ARHGAP6: variants seen among roughly 807,000 people sequenced by gnomAD.
The protein encoded by ARHGAP6 is rho GTPase-activating protein 6.
In ARHGAP6, 16 loss-of-function variants were observed where a neutral mutation model predicts 55.7. The ratio of observed to expected loss-of-function variants is 0.29; its 90% CI spans 0.19 to 0.44. The LOEUF is 0.44. ARHGAP6 is among the 20% of genes least tolerant of loss of function. The pLI, the probability that ARHGAP6 is intolerant of heterozygous loss-of-function variation, is 1.00. For missense variants in ARHGAP6, 698 were observed against 808.9 expected, an observed-to-expected ratio of 0.86 and a Z score of 1.66; for synonymous variants, 382 against 360.9, an observed-to-expected ratio of 1.06 and a Z score of -0.66.
At chrX:11,473,288 G>A (rs779860664) in intron 1 of ARHGAP6, among the ~76,000 whole-genome samples, 26 of 111,388 alleles carry the variant, frequency 2.3e-4, no homozygotes, top group African/African-American at 8.5e-4. Flanking sequence ...ACCCCAAAAG[G>A]GATATTTAAA....
chrX:11,599,824 T>G (rs1481421462), intron 1 of ARHGAP6, among the ~76,000 whole-genome samples: 5 of 112,150 alleles, frequency 4.5e-5, no homozygotes, highest in African/African-American at 1.6e-4. Context: ...GATATGATCA[T>G]AAACTTGACT....
intron 2 of ARHGAP6, among the ~76,000 whole-genome samples, chrX:11,211,330 T>C (rs1044842712): frequency 8.5e-5 from 9 of 105,362 alleles, no homozygotes; most frequent in Non-Finnish European, 1.8e-4. Flanking sequence ...CACGCCATTC[T>C]CCTGCCTCAG....
rs1436894040 is a variant in ARHGAP6 at position 11,369,276 on chromosome X, G to A, written c.589-114569C>T. Among the ~76,000 whole-genome samples the A allele has an allele frequency of 3.6e-5, 4 of 111,012 alleles. No individual in the cohort carries two copies. The East Asian group carries it at 1.1e-3, about 31-fold the overall frequency. On this transcript the variant is annotated intron_variant, in intron 1 of 12. Coordinates refer to ENST00000337414, the MANE Select transcript of ARHGAP6 (RefSeq NM_013427.3). ...GCAGGGGTTGTCTAGGAAAAGCCTA[G>A]GGCCATGCTTTTCAAATTTTAGTGT...
intron 1 of ARHGAP6, among the ~76,000 whole-genome samples, chrX:11,315,160 C>G (rs2048343901): frequency 8.9e-6 from 1 of 112,327 alleles, no homozygotes; most frequent in Non-Finnish European, 1.9e-5. Flanking sequence ...TTCCTTAGCC[C>G]ATAGCTTCGC....
chrX:11,495,675 T>G (rs953542498), intron 1 of ARHGAP6, among the ~76,000 whole-genome samples: 1 of 111,604 alleles, frequency 9.0e-6, no homozygotes, highest in African/African-American at 3.3e-5. Flanking sequence ...CCTCTTTCCC[T>G]TCCTGGTATT....
intron 1 of ARHGAP6, among the ~76,000 whole-genome samples, chrX:11,330,831 G>C (rs1237717140): frequency 1.8e-5 from 2 of 112,078 alleles, no homozygotes; most frequent in Non-Finnish European, 3.8e-5. Context: ...CACCCAACTG[G>C]AAAGCTGCAG....
intron 1 of ARHGAP6, chrX:11,335,705 T>TA (rs1346953704): frequency 2.2e-5 from 7 of 324,331 alleles, no homozygotes; most frequent in African/African-American, 1.7e-4. Flanking sequence ...ATTGTCCCGG[T>TA]AGGCACCAAC....
intron 1 of ARHGAP6, among the ~76,000 whole-genome samples, chrX:11,313,417 C>T (rs2048322646): frequency 8.9e-6 from 1 of 112,224 alleles, no homozygotes; most frequent in Non-Finnish European, 1.9e-5. Flanking sequence ...CACTCATGGA[C>T]AAGGCAAGCT....
At chrX:11,307,693 T>C (rs1383360095) in intron 1 of ARHGAP6, among the ~76,000 whole-genome samples, 2 of 112,401 alleles carry the variant, frequency 1.8e-5, no homozygotes, top group Non-Finnish European at 3.8e-5. Flanking sequence ...AAGTACTTAT[T>C]AAACATTGCT....
At chrX:11,622,742 A>C (rs1244780458) in intron 1 of ARHGAP6, among the ~76,000 whole-genome samples, 1 of 111,814 alleles carries the variant, frequency 8.9e-6, no homozygotes. Flanking sequence ...AGCATAAATG[A>C]TCTAGTAGTC....
In ARHGAP6 at chrX:11,298,552, C is replaced by T. The variant is rs374272157; in HGVS notation, c.589-43845G>A. 19 of 1,209,235 alleles carry T rather than the reference C, an allele frequency of 1.6e-5. No homozygotes were observed. The African/African-American group carries it at 3.3e-4, about 21-fold the overall frequency. Reference sequence around the variant, plus strand: ...TGCCTCTCTGTTTCTCACCAGTACCCTTCCTATGGTTACGAGCCCATGGGT... The same window carrying T: ...TGCCTCTCTGTTTCTCACCAGTACCTTTCCTATGGTTACGAGCCCATGGGT... On this transcript the variant is annotated intron_variant, in intron 1 of 12. Transcript: ENST00000337414.
chrX:11,381,568 G>T (rs1603154047), intron 1 of ARHGAP6, among the ~76,000 whole-genome samples: 1 of 111,596 alleles, frequency 9.0e-6, no homozygotes, highest in African/African-American at 3.3e-5. Flanking sequence ...CTGGTGAAAA[G>T]GGTAAAGCTG....
intron 9 of ARHGAP6, among the ~76,000 whole-genome samples, chrX:11,162,325 G>A (rs921467738): frequency 1.8e-4 from 14 of 79,786 alleles, no homozygotes; most frequent in African/African-American, 6.6e-4. Flanking sequence ...CCCAGCTACT[G>A]AAACTGTGCC....
At chrX:11,509,857 G>A (rs144922188) in intron 1 of ARHGAP6, among the ~76,000 whole-genome samples, 154 of 111,956 alleles carry the variant, frequency 1.4e-3, no homozygotes, top group Non-Finnish European at 2.2e-3. Context: ...GCTCAGTGAC[G>A]TGGGTATAGC....
chrX:11,477,545 T>C (rs781191324), intron 1 of ARHGAP6, among the ~76,000 whole-genome samples: 18 of 111,861 alleles, frequency 1.6e-4, no homozygotes, highest in Admixed American at 1.4e-3. Context: ...CCCAAAAGAA[T>C]TGTACACAAA....
In ARHGAP6 at chrX:11,177,374, G is replaced by C. The variant is rs1001555858; in HGVS notation, c.1629+726C>G. ...CAAGATCTTAGATTTGGTGGGCGGG[G>C]GGGGGGCACACTGGGGCCTGAGTGG... On this transcript the variant is annotated intron_variant, in intron 8 of 12. Transcript: ENST00000337414. Among the ~76,000 whole-genome samples, 5 of 103,541 alleles carry C rather than the reference G, an allele frequency of 4.8e-5. No individual in the cohort carries two copies. In the South Asian group the frequency reaches 1.5e-3, roughly 32 times the overall value. The allele number at this position is 103,541 out of a possible 115,157, so 89.9% of individuals were successfully genotyped here.
At chrX:11,293,332 C>T (rs2048026369) in intron 1 of ARHGAP6, 1 of 111,811 alleles carries the variant, frequency 8.9e-6, no homozygotes, top group Non-Finnish European at 1.9e-5. Flanking sequence ...TTATACTCAA[C>T]ACATTTTTCC....
At chrX:11,388,836 A>G (rs1178971495) in intron 1 of ARHGAP6, among the ~76,000 whole-genome samples, 1 of 112,271 alleles carries the variant, frequency 8.9e-6, no homozygotes, top group Non-Finnish European at 1.9e-5. Flanking sequence ...CTTGTAAACT[A>G]TCAATTATTT....
At chrX:11,372,511 G>A (rs1350882714) in intron 1 of ARHGAP6, among the ~76,000 whole-genome samples, 3 of 110,685 alleles carry the variant, frequency 2.7e-5, no homozygotes, top group Non-Finnish European at 5.7e-5. Context: ...GGTGGCTCAC[G>A]CCTGTAATCC....
Sources: gnomAD v4.1 joint callset for allele counts (sites outside exome capture counted in the v4.1 genomes callset) on GRCh38, gnomAD v4.1.1 for gene constraint, MANE v1.5 for transcripts, NCBI Gene and HGNC (gene_info 2026-07-23, HGNC 2026-07-21) for gene names.